DPP10: variants seen among roughly 807,000 people sequenced by gnomAD.
DPP10 encodes inactive dipeptidyl peptidase 10.
In DPP10, 33 loss-of-function variants were observed where a neutral mutation model predicts 120.9. That is an observed-to-expected ratio of 0.27 (90% CI 0.21 to 0.37). The LOEUF (loss-of-function observed/expected upper bound fraction) is 0.37, where lower values mean the gene tolerates loss of function less well. DPP10 is among the 10% of genes least tolerant of loss of function. DPP10 has a pLI of 1.00. For synonymous variants in DPP10, 337 were observed against 326.1 expected (o/e 1.03, Z -0.36); for missense variants, 816 against 942.8 (o/e 0.87, Z 1.76).
chr2:114,927,706 T>G (rs573207136), intron 1 of DPP10, among the ~76,000 whole-genome samples: 1 of 152,300 alleles, frequency 6.6e-6, no homozygotes, highest in African/African-American at 2.4e-5. Flanking sequence ...TTAGTCCATT[T>G]TGTGTTGCAA....
At chr2:115,067,831 C>A (rs1707028355) in intron 1 of DPP10, among the ~76,000 whole-genome samples, 1 of 130,248 alleles carries the variant, frequency 7.7e-6, no homozygotes, top group Non-Finnish European at 1.6e-5. Flanking sequence ...AACTGCACTC[C>A]AGCCTGGGCG....
At chr2:114,908,116 G>A (rs1216192437) in intron 1 of DPP10, among the ~76,000 whole-genome samples, 2 of 151,944 alleles carry the variant, frequency 1.3e-5, no homozygotes, top group Non-Finnish European at 2.9e-5. Flanking sequence ...TGAAGTTAAT[G>A]TAGGCACTCT....
intron 1 of DPP10, among the ~76,000 whole-genome samples, chr2:114,541,981 G>C (rs577524844): frequency 3.3e-5 from 5 of 150,590 alleles, no homozygotes; most frequent in African/African-American, 1.2e-4. Flanking sequence ...CTCAATGGGA[G>C]ATTTTTTTTA....
chr2:115,329,602 ACAG>A (rs1324827741), intron 2 of DPP10, among the ~76,000 whole-genome samples: 1 of 151,906 alleles, frequency 6.6e-6, no homozygotes, highest in African/African-American at 2.4e-5. Context: ...CTACCCAATG[ACAG>A]GCCCTGGTGT....
intron 4 of DPP10, among the ~76,000 whole-genome samples, chr2:115,502,138 T>C (rs1264129292): frequency 6.6e-6 from 1 of 152,148 alleles, no homozygotes; most frequent in East Asian, 1.9e-4. Context: ...TATCTTATGA[T>C]ATCTTGTTTG....
At chr2:115,162,091 C>G in intron 1 of DPP10, 1 of 1,496,548 alleles carries the variant, frequency 6.7e-7, no homozygotes, top group Non-Finnish European at 8.9e-7. Context: ...GCGCTCCGCC[C>G]GCCTCCCGCT....
intron 5 of DPP10, among the ~76,000 whole-genome samples, chr2:115,681,908 A>G (rs1228679232): frequency 4.0e-5 from 6 of 151,748 alleles, no homozygotes; most frequent in African/African-American, 1.4e-4. Context: ...AAATGAAGAC[A>G]ACCTTTTCTC....
intron 3 of DPP10, among the ~76,000 whole-genome samples, chr2:115,356,810 T>C (rs1233943219): frequency 6.6e-6 from 1 of 152,182 alleles, no homozygotes; most frequent in African/African-American, 2.4e-5. Context: ...TCTTTGCTAT[T>C]GTAAAGGGTG....
chr2:115,086,928 G>A (rs1708756472), intron 1 of DPP10, among the ~76,000 whole-genome samples: 1 of 152,124 alleles, frequency 6.6e-6, no homozygotes, highest in African/African-American at 2.4e-5. Flanking sequence ...ATATTTTACA[G>A]GGCTTGACTA....
At chr2:115,231,766 T>C (rs2057746842) in intron 1 of DPP10, among the ~76,000 whole-genome samples, 1 of 152,206 alleles carries the variant, frequency 6.6e-6, no homozygotes, top group Non-Finnish European at 1.5e-5. Context: ...TTCACTCTTT[T>C]CTGTGACTCT....
At chr2:114,547,891 C>T (rs896769901) in intron 1 of DPP10, among the ~76,000 whole-genome samples, 3 of 152,176 alleles carry the variant, frequency 2.0e-5, no homozygotes, top group Admixed American at 2.0e-4. Flanking sequence ...ACACTTTGAC[C>T]CAGCAGGGGT....
intron 1 of DPP10, among the ~76,000 whole-genome samples, chr2:115,193,719 A>G (rs761029713): frequency 6.6e-6 from 1 of 152,164 alleles, no homozygotes; most frequent in Non-Finnish European, 1.5e-5. Flanking sequence ...CTGAGTGCAA[A>G]CAGCTCACAT....
chr2:114,909,073 G>A (rs1453132012), intron 1 of DPP10, among the ~76,000 whole-genome samples: 1 of 151,536 alleles, frequency 6.6e-6, no homozygotes, highest in Non-Finnish European at 1.5e-5. Flanking sequence ...TTCCATCTAA[G>A]TTTTCAAATA....
chr2:115,741,667 C>G (rs1021598420), intron 9 of DPP10, among the ~76,000 whole-genome samples: 1 of 152,100 alleles, frequency 6.6e-6, no homozygotes, highest in Admixed American at 6.6e-5. Context: ...GACTGCTCAA[C>G]GCACTGCACA....
At chr2:115,547,160 A>G (rs1195761674) in intron 5 of DPP10, among the ~76,000 whole-genome samples, 1 of 152,144 alleles carries the variant, frequency 6.6e-6, no homozygotes, top group South Asian at 2.1e-4. Context: ...GGCTCTAAGC[A>G]AGACATGAAT....
chr2:115,339,640 AT>A (rs2063342325), intron 2 of DPP10, among the ~76,000 whole-genome samples: 1 of 152,180 alleles, frequency 6.6e-6, no homozygotes, highest in Non-Finnish European at 1.5e-5. Context: ...AAAGTGATAG[AT>A]TATTTATACA....
chr2:115,648,447 T>G (rs143472654), intron 5 of DPP10, among the ~76,000 whole-genome samples: 1 of 152,114 alleles, frequency 6.6e-6, no homozygotes, highest in African/African-American at 2.4e-5. Context: ...ATATATGTGA[T>G]ATAATGCATA....
intron 1 of DPP10, among the ~76,000 whole-genome samples, chr2:114,922,061 A>G (rs191120040): frequency 1.2e-3 from 183 of 152,298 alleles, no homozygotes; most frequent in African/African-American, 4.3e-3. Context: ...TGACTATTTG[A>G]CTTTTTAAAG....
At chr2:114,786,205 T>C (rs1451752957) in intron 1 of DPP10, among the ~76,000 whole-genome samples, 1 of 152,240 alleles carries the variant, frequency 6.6e-6, no homozygotes, top group African/African-American at 2.4e-5. Flanking sequence ...TATTCTATAG[T>C]GTGAATGACT....
Sources: gnomAD v4.1 joint callset for allele counts (sites outside exome capture counted in the v4.1 genomes callset) on GRCh38, gnomAD v4.1.1 for gene constraint, MANE v1.5 for transcripts, NCBI Gene and HGNC (gene_info 2026-07-23, HGNC 2026-07-21) for gene names.